PAK1: variants seen among roughly 807,000 people sequenced by gnomAD.
PAK1 encodes serine/threonine-protein kinase PAK 1.
A neutral mutation model predicts 67.4 loss-of-function variants in PAK1; 29 were observed. The observed-to-expected ratio is 0.43, with a 90% CI of 0.32 to 0.59. PAK1 has a LOEUF of 0.59. Among genes scored for constraint, PAK1 ranks in the 20% least tolerant of loss-of-function variants. The pLI, the probability that PAK1 is intolerant of heterozygous loss-of-function variation, is 0.07. For synonymous variants in PAK1, 223 were observed against 237.4 expected, an observed-to-expected ratio of 0.94 and a Z score of 0.56; for missense variants, 337 against 670.7, an observed-to-expected ratio of 0.50 and a Z score of 5.50.
chr11:77,508,659 C>CTTTT, the PAK1 span, among the ~76,000 whole-genome samples: 5 of 114,764 alleles, frequency 4.4e-5, no homozygotes, highest in Admixed American at 9.4e-5. Context: ...CATAGAGATT[C>CTTTT]TTTTTTTTTT....
rs914306271 is a variant in PAK1 at position 77,451,600 on chromosome 11, T to C, written c.-22+21952A>G. Reference sequence around the variant, plus strand: ...TTTTCTCTCGTTAATGTCTTTTGTTTTTTTTTGTTTTTTTTTTGAGACGGC... The same window carrying C: ...TTTTCTCTCGTTAATGTCTTTTGTTCTTTTTTGTTTTTTTTTTGAGACGGC... On this transcript the variant is annotated intron_variant, in intron 1 of 14. Coordinates refer to ENST00000356341, the MANE Select transcript of PAK1 (RefSeq NM_002576.5). 6.3e-5 allele frequency among the ~76,000 whole-genome samples: 9 copies of C among 142,472 alleles called. 1 individual carries two copies. The highest frequency in any genetic ancestry group is 2.5e-4 in the African/African-American group (9 of 35,422). 93.5% of individuals were successfully genotyped at this position (142,472 alleles called of 152,430 possible).
chr11:77,487,367 T>C, the PAK1 span, among the ~76,000 whole-genome samples: 439 of 151,984 alleles, frequency 2.9e-3, 3 homozygotes, highest in African/African-American at 0.01. Flanking sequence ...GCTTCAGGTG[T>C]AAACCCAGCA....
Position 77,372,970 on chromosome 11 carries a change from G to GA in PAK1, c.477+1357dup. 3.3e-5 allele frequency among the ~76,000 whole-genome samples: 5 copies of GA among 152,294 alleles called. 1 individual carries two copies. The highest frequency in any genetic ancestry group is 1.2e-4 in the African/African-American group (5 of 41,576). On this transcript the variant is annotated intron_variant, in intron 5 of 14. Transcript: ENST00000356341. ...CAAGGATATAACAATTAACAAGTCA[G>GA]AGACAGCCCCTGGCTTCATGAAGGT... is the stretch of plus-strand genomic sequence containing the variant.
the PAK1 span, among the ~76,000 whole-genome samples, chr11:77,499,358 T>C: frequency 6.6e-6 from 1 of 152,184 alleles, no homozygotes; most frequent in African/African-American, 2.4e-5. Flanking sequence ...CCACCACACC[T>C]GGCTTATTGC....
chr11:77,337,170 G>C lies in PAK1; in HGVS notation c.1216+154C>G, dbSNP rs1394970853. 8.5e-5 allele frequency among the ~76,000 whole-genome samples: 13 copies of C among 152,052 alleles called. No individual in the cohort carries two copies. In the South Asian group the frequency reaches 2.5e-3, roughly 29 times the overall value. On this transcript the variant is annotated intron_variant, in intron 12 of 14. Transcript: ENST00000356341. ...AAAAAATAATGAAATGATATCCTAT[G>C]ATTAATACAGAAAATATAAAACAGC...
intron 2 of PAK1, among the ~76,000 whole-genome samples, chr11:77,391,048 CTTCT>C (rs1032663869): frequency 7.2e-5 from 11 of 152,172 alleles, no homozygotes; most frequent in African/African-American, 2.7e-4. Flanking sequence ...TAATTTGTTC[CTTCT>C]TTCTATGTTC....
the PAK1 span, among the ~76,000 whole-genome samples, chr11:77,499,674 T>C: frequency 6.6e-6 from 1 of 152,190 alleles, no homozygotes; most frequent in Non-Finnish European, 1.5e-5. Flanking sequence ...TTACACTTTT[T>C]GTCTTAATTA....
chr11:77,395,352 A>T (rs1951697019), intron 1 of PAK1, among the ~76,000 whole-genome samples: 1 of 152,182 alleles, frequency 6.6e-6, no homozygotes, highest in Non-Finnish European at 1.5e-5. Context: ...TTGCAATCCA[A>T]CAATGCTTTA....
At chr11:77,422,714 T>C (rs111328366) in intron 1 of PAK1, among the ~76,000 whole-genome samples, 7,678 of 152,290 alleles carry the variant, frequency 0.05, 702 homozygotes, top group African/African-American at 0.18. Flanking sequence ...AAGTTGGGCA[T>C]GTGCATGTGA....
At chr11:77,334,316 G>A (rs1355101170) in intron 13 of PAK1, among the ~76,000 whole-genome samples, 2 of 152,162 alleles carry the variant, frequency 1.3e-5, no homozygotes, top group African/African-American at 2.4e-5. Context: ...GTTGTATGTG[G>A]AGTCAGAGGC....
At chr11:77,474,186 C>G (rs1958012077), upstream of PAK1, 1 of 139,980 alleles carries the variant, frequency 7.1e-6, no homozygotes, top group African/African-American at 2.5e-5. Context: ...CCCTTCTCCC[C>G]CTCCCCCTCC....
In PAK1 at chr11:77,358,991, A is replaced by G; in HGVS notation, c.504T>C (p.Pro168=). The G allele has an allele frequency of 6.2e-7, 1 of 1,613,408 alleles. No homozygotes were observed. The highest frequency in any genetic ancestry group is 8.5e-7 in the Non-Finnish European group (1 of 1,179,518). The change falls in exon 6 of 15, where the codon CCT becomes CCC. Residue 168 remains proline, a synonymous_variant. Coordinates refer to ENST00000356341, the MANE Select transcript of PAK1 (RefSeq NM_002576.5). ...ALNVKAVSET[P]AVPPVSEDED... is the part of the protein sequence containing the mutation. ...CATCTTCTGAAACTGGTGGCACTGC[A>G]GGAGTCTCAGACACAGCCTTCACAT...
At chr11:77,363,338 A>G (rs975610483) in intron 5 of PAK1, among the ~76,000 whole-genome samples, 1 of 152,208 alleles carries the variant, frequency 6.6e-6, no homozygotes, top group African/African-American at 2.4e-5. Flanking sequence ...ATTCTGTCCC[A>G]GTAGGAAGAC....
intron 11 of PAK1, 69 bp downstream of exon 11, chr11:77,340,577 C>T: frequency 1.2e-6 from 1 of 809,812 alleles, no homozygotes. Context: ...TCTCACTGTA[C>T]AGGGAACTTC....
chr11:77,348,932 T>C (rs1944829033), intron 9 of PAK1, among the ~76,000 whole-genome samples: 2 of 152,086 alleles, frequency 1.3e-5, no homozygotes, highest in South Asian at 4.1e-4. Context: ...GAGAGCAGCC[T>C]GGCTAACATG....
chr11:77,511,605 G>A, the PAK1 span, among the ~76,000 whole-genome samples: 27 of 152,156 alleles, frequency 1.8e-4, no homozygotes, highest in South Asian at 2.3e-3. Context: ...GTGCCAAGAC[G>A]TGACAAGTAG....
At chr11:77,361,290 G>A (rs1377820438) in intron 5 of PAK1, among the ~76,000 whole-genome samples, 2 of 152,162 alleles carry the variant, frequency 1.3e-5, no homozygotes, top group Non-Finnish European at 2.9e-5. Flanking sequence ...AGCAAGCCAC[G>A]GGGCTCTCTG....
At chr11:77,475,352 C>G (rs962663441), upstream of PAK1, 2 of 152,218 alleles carry the variant, frequency 1.3e-5, no homozygotes, top group African/African-American at 2.4e-5. Context: ...TTAGTCTCTT[C>G]AAACTCAATC....
chr11:77,422,440 A>C (rs1955315669), intron 1 of PAK1, among the ~76,000 whole-genome samples: 1 of 151,948 alleles, frequency 6.6e-6, no homozygotes, highest in Non-Finnish European at 1.5e-5. Context: ...AGGCACCTGT[A>C]ATCTTGGGAG....
Sources: allele counts gnomAD v4.1 joint callset (sites outside exome capture counted in the v4.1 genomes callset), GRCh38; gene constraint gnomAD v4.1.1; transcripts MANE v1.5; gene names NCBI Gene and HGNC (gene_info 2026-07-23, HGNC 2026-07-21).